LARP4: variants seen among roughly 807,000 people sequenced by gnomAD.
LARP4 encodes the protein La ribonucleoprotein 4.
Under a neutral mutation model 92.9 loss-of-function variants are expected in LARP4, and 29 were observed. The ratio of observed to expected loss-of-function variants is 0.31; its 90% CI spans 0.23 to 0.43. The LOEUF is 0.43. LARP4 is among the 20% of genes least tolerant of loss of function. LARP4 has a pLI of 1.00. For synonymous variants in LARP4, 279 were observed against 284.1 expected (o/e 0.98, Z 0.18); for missense variants, 732 against 860.0 (o/e 0.85, Z 1.86).
intron 1 of LARP4, chr12:50,415,850 A>C (rs1946684380): frequency 6.6e-6 from 1 of 151,072 alleles, no homozygotes; most frequent in Non-Finnish European, 1.5e-5. Context: ...CACCATGCCC[A>C]GCTAATTCTT....
At chr12:50,409,523 G>A (rs1193587910) in intron 1 of LARP4, among the ~76,000 whole-genome samples, 1 of 152,104 alleles carries the variant, frequency 6.6e-6, no homozygotes, top group Non-Finnish European at 1.5e-5. Flanking sequence ...CACTTTGGGA[G>A]GCCAAGGCTG....
At chr12:50,422,328 C>A (rs1006810434) in intron 1 of LARP4, among the ~76,000 whole-genome samples, 2 of 152,276 alleles carry the variant, frequency 1.3e-5, no homozygotes, top group African/African-American at 4.8e-5. Context: ...GCCTAGCCCA[C>A]AGAATTAGTT....
At position 50,479,340 on chromosome 12, in the gene LARP4, G is replaced by A. The variant is rs1957736052; in HGVS notation, c.*3476G>A. On this transcript the variant is annotated 3_prime_UTR_variant, in exon 16 of 16. Coordinates refer to ENST00000398473, the MANE Select transcript of LARP4 (RefSeq NM_052879.5). ...AAGAGAACAGTGTATTCCTTCTGAG[G>A]GGCTTTTATAAATTATTAACTATAA... The A allele has an allele frequency of 1.3e-5, 2 of 152,360 alleles. No individual in the cohort carries two copies. The highest frequency in any genetic ancestry group is 4.1e-4 in the South Asian group (2 of 4,824). 9.4% of individuals were successfully genotyped at this position (152,360 alleles called of 1,614,324 possible). A position where few individuals can be genotyped will look rare whatever the true frequency, so the allele number is the denominator to read the frequency against.
At chr12:50,472,472 A>T (rs1957035090) in intron 13 of LARP4, among the ~76,000 whole-genome samples, 1 of 151,588 alleles carries the variant, frequency 6.6e-6, no homozygotes, top group Non-Finnish European at 1.5e-5. Flanking sequence ...GCTTTCATTC[A>T]TGTTGAGCGT....
chr12:50,429,150 G>C, intron 3 of LARP4, 60 bp downstream of exon 3: 4 of 1,235,414 alleles, frequency 3.2e-6, no homozygotes, highest in Non-Finnish European at 4.7e-6. Flanking sequence ...CCCCACCCAT[G>C]GTCTCTTTAT....
intron 4 of LARP4, among the ~76,000 whole-genome samples, chr12:50,431,484 A>G (rs968057085): frequency 5.3e-5 from 8 of 152,202 alleles, no homozygotes; most frequent in African/African-American, 9.7e-5. Flanking sequence ...CAGATAATTT[A>G]TATTGCCAAT....
intron 10 of LARP4, chr12:50,454,697 G>A (rs78507021): frequency 7.4e-6 from 2 of 269,756 alleles, no homozygotes; most frequent in African/African-American, 4.4e-5. Context: ...GACAAATCTG[G>A]TGACTAATTT....
At chr12:50,437,903 C>T in intron 6 of LARP4, 65 bp downstream of exon 6, 1 of 1,076,566 alleles carries the variant, frequency 9.3e-7, no homozygotes, top group Middle Eastern at 2.2e-4. Context: ...TTTCTTCTGC[C>T]TTTCGTGGCA....
In LARP4 at chr12:50,462,571, C is replaced by G; in HGVS notation, c.1335-11C>G. 6.8e-5 allele frequency: 23 copies of G among 338,772 alleles called. No homozygotes were observed. Among genetic ancestry groups the G allele is most frequent in the East Asian group, 1.0e-4 (1 of 9,628 alleles). 21.0% of individuals were successfully genotyped at this position (338,772 alleles called of 1,614,324 possible). On this transcript the variant is annotated splice_polypyrimidine_tract_variant and intron_variant, in intron 11 of 15. Coordinates refer to ENST00000398473, the MANE Select transcript of LARP4 (RefSeq NM_052879.5). Reference sequence around the variant, plus strand: ...CACCCCACCCCACCCCCACCTTTTTCTTATTAAAAGGAGAACTCTCTTCAG... The same window carrying G: ...CACCCCACCCCACCCCCACCTTTTTGTTATTAAAAGGAGAACTCTCTTCAG...
intron 1 of LARP4, among the ~76,000 whole-genome samples, chr12:50,425,888 A>G (rs1020828302): frequency 1.3e-5 from 2 of 151,410 alleles, no homozygotes; most frequent in Admixed American, 6.6e-5. Flanking sequence ...TCTCTTTCCA[A>G]CCTCCCCTTG....
intron 13 of LARP4, among the ~76,000 whole-genome samples, chr12:50,468,546 C>T (rs1956485954): frequency 6.6e-6 from 1 of 152,060 alleles, no homozygotes; most frequent in South Asian, 2.1e-4. Context: ...ATCCGCCCGT[C>T]TCGGCCTCCC....
chr12:50,435,994 G>T (rs1024006204), intron 5 of LARP4, among the ~76,000 whole-genome samples: 2 of 37,620 alleles, frequency 5.3e-5, no homozygotes, highest in Non-Finnish European at 3.4e-4. Flanking sequence ...CCCCAGGCTG[G>T]TCTTTGTTCT....
chr12:50,438,111 G>C (rs566540345), intron 6 of LARP4, among the ~76,000 whole-genome samples: 1 of 152,274 alleles, frequency 6.6e-6, no homozygotes, highest in South Asian at 2.1e-4. Context: ...TTACTAGATT[G>C]ATTCAATGGC....
chr12:50,440,900 T>G lies in LARP4; in HGVS notation c.750+351T>G, dbSNP rs551356509. On this transcript the variant is annotated intron_variant, in intron 7 of 15. Transcript: ENST00000398473. Reference sequence around the variant, plus strand: ...GATGGTTTTATTCTTTTTTTTTTTTTTGAGACGGAGTCTCACTCTGTCGCC... The same window carrying G: ...GATGGTTTTATTCTTTTTTTTTTTTGTGAGACGGAGTCTCACTCTGTCGCC... Among the ~76,000 whole-genome samples, 5 of 152,048 alleles carry G rather than the reference T, an allele frequency of 3.3e-5. No individual in the cohort carries two copies. In the South Asian group the frequency reaches 1.0e-3, roughly 32 times the overall value.
chr12:50,433,936 G>T (rs925015507), intron 4 of LARP4, among the ~76,000 whole-genome samples: 1 of 152,076 alleles, frequency 6.6e-6, no homozygotes, highest in Admixed American at 6.6e-5. Context: ...CACCATGCCT[G>T]GCCTCTATTT....
intron 15 of LARP4, 47 bp downstream of exon 15, chr12:50,474,214 G>T (rs879048388): frequency 7.4e-7 from 1 of 1,356,776 alleles, no homozygotes; most frequent in Non-Finnish European, 1.0e-6. Flanking sequence ...CAATAGATTA[G>T]ATTTTTTTTT....
In LARP4 at chr12:50,474,058, A is replaced by G. The variant is rs1440898713; in HGVS notation, c.1727A>G (p.Asn576Ser). 6 of 1,612,418 alleles carry G rather than the reference A, an allele frequency of 3.7e-6. No homozygotes were observed. The highest frequency in any genetic ancestry group is 3.4e-6 in the Non-Finnish European group (4 of 1,179,900). ...EDSSVQKDGLNQTTIPVSPPS... is the reference protein window; with the variant it reads ...EDSSVQKDGLSQTTIPVSPPS... The stretch of plus-strand genomic sequence containing the variant: ...TCCTCTGTTCAGAAGGATGGTCTCA[A>G]TCAGACAACTATACCAGTTTCTCCT... The change falls in exon 15 of 16, where the codon AAT (asparagine) becomes AGT (serine). Residue 576 changes from asparagine to serine, a missense_variant. This residue lies in a region of LARP4 where 97 missense variants were observed against 85.9 expected (regional missense o/e 1.13). Transcript: ENST00000398473.
At chr12:50,427,992 T>TA in intron 2 of LARP4, 83 bp downstream of exon 2, 199 of 491,548 alleles carry the variant, frequency 4.0e-4, no homozygotes, top group Non-Finnish European at 5.4e-4. Context: ...GAGACACATC[T>TA]CTTTTTTTTT....
Position 50,430,573 on chromosome 12 carries a change from A to G in LARP4, c.398+3A>G, listed in dbSNP as rs779894483. On this transcript the variant is annotated splice_donor_region_variant and intron_variant, in intron 4 of 15. Coordinates refer to ENST00000398473, the MANE Select transcript of LARP4 (RefSeq NM_052879.5). Reference sequence around the variant, plus strand: ...CAATTAGAATTCTGTTTTTCACGGTATTGCTGTTTCCCCTTTATTGAATTT... The same window carrying G: ...CAATTAGAATTCTGTTTTTCACGGTGTTGCTGTTTCCCCTTTATTGAATTT... 6.4e-7 allele frequency: 1 copy of G among 1,573,528 alleles called. No homozygotes were observed. The highest frequency in any genetic ancestry group is 1.1e-5 in the South Asian group (1 of 88,736).
Sources: allele counts gnomAD v4.1 joint callset (sites outside exome capture counted in the v4.1 genomes callset), GRCh38; gene constraint gnomAD v4.1.1; regional missense constraint gnomAD v4.1.1; transcripts MANE v1.5; gene names NCBI Gene and HGNC (gene_info 2026-07-23, HGNC 2026-07-21).